The following CALCR variants were observed in gnomAD, a reference collection of about 807,000 sequenced individuals.
The protein encoded by CALCR is calcitonin receptor.
In CALCR, 47 loss-of-function variants were observed where a neutral mutation model predicts 59.5. That is an observed-to-expected ratio of 0.79 (90% CI 0.63 to 1.01). CALCR has a LOEUF of 1.01. Ranked by LOEUF, CALCR falls within the 50% of genes least tolerant of loss-of-function variation. CALCR has a pLI of 0.00. For synonymous variants in CALCR, 213 were observed against 211.3 expected (o/e 1.01, Z -0.07); for missense variants, 566 against 597.1 (o/e 0.95, Z 0.54).
chr7:93,536,253 A>C (rs1169453596), intron 2 of CALCR, among the ~76,000 whole-genome samples: 2 of 151,780 alleles, frequency 1.3e-5, no homozygotes, highest in Non-Finnish European at 3.0e-5. Flanking sequence ...AGACAGACAC[A>C]CACTATTTCA....
At chr7:93,501,319 G>A (rs1000679277) in intron 2 of CALCR, among the ~76,000 whole-genome samples, 21 of 152,032 alleles carry the variant, frequency 1.4e-4, no homozygotes, top group Admixed American at 5.3e-4. Flanking sequence ...TGAGAAACTT[G>A]CATATGACTC....
intron 12 of CALCR, among the ~76,000 whole-genome samples, chr7:93,435,552 C>A (rs938309679): frequency 6.6e-6 from 1 of 152,132 alleles, no homozygotes; most frequent in East Asian, 1.9e-4. Flanking sequence ...TGCGCAGTGG[C>A]TCACACCTGT....
intron 2 of CALCR, among the ~76,000 whole-genome samples, chr7:93,523,404 C>A (rs1168816811): frequency 6.6e-6 from 1 of 152,140 alleles, no homozygotes; most frequent in Non-Finnish European, 1.5e-5. Flanking sequence ...TTCTTGTAAT[C>A]ACTACATTTG....
intron 2 of CALCR, among the ~76,000 whole-genome samples, chr7:93,561,181 T>A (rs1050315779): frequency 6.6e-6 from 1 of 152,202 alleles, no homozygotes; most frequent in Admixed American, 6.5e-5. Flanking sequence ...AATGAGATGC[T>A]GAATGTGTAA....
At position 93,425,350 on chromosome 7, in the gene CALCR, T is replaced by C. The variant is rs1170091251; in HGVS notation, c.*1006A>G. ...CTGAGCTCTTTTTAAGCTTTGAAGC[T>C]GGGTGGAAAGCAGTTAATGGACTTA... On this transcript the variant is annotated 3_prime_UTR_variant, in exon 14 of 14. Transcript: ENST00000426151. 6.6e-6 allele frequency: 1 copy of C among 152,642 alleles called. No individual in the cohort carries two copies. The highest frequency in any genetic ancestry group is 1.5e-5 in the Non-Finnish European group (1 of 68,036). 9.5% of individuals were successfully genotyped at this position (152,642 alleles called of 1,614,324 possible). A position where few individuals can be genotyped will look rare whatever the true frequency, so the allele number is the denominator to read the frequency against.
intron 9 of CALCR, among the ~76,000 whole-genome samples, chr7:93,442,527 C>A (rs1799928136): frequency 1.3e-5 from 2 of 152,168 alleles, no homozygotes; most frequent in South Asian, 4.1e-4. Flanking sequence ...AAGCACATTT[C>A]TATAAAGTTG....
intron 8 of CALCR, among the ~76,000 whole-genome samples, chr7:93,459,266 A>G (rs1184734125): frequency 2.6e-5 from 4 of 152,162 alleles, no homozygotes; most frequent in Non-Finnish European, 5.9e-5. Flanking sequence ...ACAGAGACAC[A>G]TGTGACAATG....
chr7:93,540,647 AT>A (rs1233807982), intron 2 of CALCR, among the ~76,000 whole-genome samples: 1 of 150,726 alleles, frequency 6.6e-6, no homozygotes, highest in African/African-American at 2.4e-5. Context: ...TAATTTTAAA[AT>A]ATGCTCAAAC....
At chr7:93,539,698 T>C (rs761695686) in intron 2 of CALCR, among the ~76,000 whole-genome samples, 6 of 152,096 alleles carry the variant, frequency 3.9e-5, no homozygotes, top group Non-Finnish European at 7.4e-5. Context: ...TTTTTCCATA[T>C]GTAAAAGGTG....
intron 2 of CALCR, among the ~76,000 whole-genome samples, chr7:93,522,264 G>C (rs535379879): frequency 4.6e-5 from 7 of 152,182 alleles, no homozygotes; most frequent in African/African-American, 1.7e-4. Context: ...TGCTGATACT[G>C]ATTTATCAAT....
intron 2 of CALCR, among the ~76,000 whole-genome samples, chr7:93,503,192 C>G (rs1253652153): frequency 1.3e-5 from 2 of 152,098 alleles, no homozygotes; most frequent in African/African-American, 2.4e-5. Context: ...ATGATTTTCT[C>G]TCTGTGACCA....
chr7:93,479,777 C>T (rs1800754220), intron 3 of CALCR, among the ~76,000 whole-genome samples: 1 of 151,642 alleles, frequency 6.6e-6, no homozygotes. Flanking sequence ...TCTTTATCAG[C>T]TAGGATTGTT....
At chr7:93,441,552 A>G (rs927914688) in intron 9 of CALCR, 6 of 385,530 alleles carry the variant, frequency 1.6e-5, no homozygotes, top group Non-Finnish European at 3.0e-5. Flanking sequence ...GGCTGGGGCT[A>G]AAAGAGAAAA....
intron 3 of CALCR, among the ~76,000 whole-genome samples, chr7:93,486,592 CAT>C (rs1177779844): frequency 2.0e-5 from 3 of 151,320 alleles, no homozygotes; most frequent in African/African-American, 7.3e-5. Flanking sequence ...AGATTCAAAA[CAT>C]AGTTTTTTCA....
intron 2 of CALCR, among the ~76,000 whole-genome samples, chr7:93,547,858 G>T (rs1584623172): frequency 6.6e-6 from 1 of 152,080 alleles, no homozygotes; most frequent in East Asian, 1.9e-4. Flanking sequence ...TCAGAACATT[G>T]TACGGGGGGT....
intron 8 of CALCR, among the ~76,000 whole-genome samples, chr7:93,446,344 A>G (rs2115740895): frequency 6.6e-6 from 1 of 152,158 alleles, no homozygotes; most frequent in African/African-American, 2.4e-5. Flanking sequence ...TAGCACTTAG[A>G]TCGGTGTTTC....
At chr7:93,515,703 T>C (rs1801635927) in intron 2 of CALCR, among the ~76,000 whole-genome samples, 1 of 151,990 alleles carries the variant, frequency 6.6e-6, no homozygotes. Context: ...ATGACAAAGC[T>C]GTCTGTCCTT....
chr7:93,474,821 T>A (rs560340583), intron 5 of CALCR, among the ~76,000 whole-genome samples: 1 of 151,940 alleles, frequency 6.6e-6, no homozygotes, highest in Admixed American at 6.6e-5. Flanking sequence ...TTTTTCTATG[T>A]TAACAAAGGC....
At chr7:93,463,827 C>T (rs534361099) in intron 7 of CALCR, among the ~76,000 whole-genome samples, 2 of 151,868 alleles carry the variant, frequency 1.3e-5, no homozygotes, top group Non-Finnish European at 2.9e-5. Flanking sequence ...AGAAATAGCA[C>T]TAACTTGACA....
Sources: allele counts gnomAD v4.1 joint callset (sites outside exome capture counted in the v4.1 genomes callset), GRCh38; gene constraint gnomAD v4.1.1; transcripts MANE v1.5; gene names NCBI Gene and HGNC (gene_info 2026-07-23, HGNC 2026-07-21).